SH2B3: variants seen among roughly 807,000 people sequenced by gnomAD.
SH2B3 encodes the protein SH2B adaptor protein 3.
Under a neutral mutation model 51.9 loss-of-function variants are expected in SH2B3, and 43 were observed. That is an observed-to-expected ratio of 0.83 (90% confidence interval 0.65 to 1.07). The LOEUF (loss-of-function observed/expected upper bound fraction) is 1.07, where lower values mean the gene tolerates loss of function less well. SH2B3 is among the 50% of genes least tolerant of loss of function. The pLI is 0.00. For synonymous variants in SH2B3, 396 were observed against 376.0 expected (o/e 1.05, Z -0.62); for missense variants, 952 against 834.3 (o/e 1.14, Z -1.74).
chr12:111,414,451 G>T (rs1870929471), intron 1 of SH2B3, among the ~76,000 whole-genome samples: 1 of 152,066 alleles, frequency 6.6e-6, no homozygotes, highest in South Asian at 2.1e-4. Context: ...AATTAACCAG[G>T]TGTCGTGGTG....
intron 2 of SH2B3, among the ~76,000 whole-genome samples, chr12:111,433,328 G>A (rs1872626675): frequency 6.6e-6 from 1 of 152,014 alleles, no homozygotes; most frequent in Admixed American, 6.6e-5. Flanking sequence ...TCCAGCCTGG[G>A]AAACAGAGAG....
At chr12:111,434,748 C>A in intron 2 of SH2B3, 1 of 1,421,004 alleles carries the variant, frequency 7.0e-7, no homozygotes, top group Admixed American at 2.8e-5. Context: ...TTTAATCCAG[C>A]TGGCTTTTGT....
In SH2B3 at chr12:111,446,925, C is replaced by T. The variant is rs755606884; in HGVS notation, c.835-17C>T. ...CACATACAGCAGACCCAACCCTGTT[C>T]CCTTCCTCCCTGCCAGGTGAAGGAC... On this transcript the variant is annotated splice_polypyrimidine_tract_variant and intron_variant, in intron 3 of 7. Coordinates refer to ENST00000341259, the MANE Select transcript of SH2B3 (RefSeq NM_005475.3). 3 of 1,611,374 alleles carry T rather than the reference C, an allele frequency of 1.9e-6. No individual in the cohort carries two copies. Among genetic ancestry groups the T allele is most frequent in the Middle Eastern group, 1.7e-4 (1 of 6,060 alleles).
In SH2B3 at chr12:111,438,463, A is replaced by G. The variant is rs990669038; in HGVS notation, c.733-8290A>G. On this transcript the variant is annotated intron_variant, in intron 2 of 7. Coordinates refer to ENST00000341259, the MANE Select transcript of SH2B3 (RefSeq NM_005475.3). This position sits in a 1 kb window ranked among gnomAD's most constrained non-coding sequence, Gnocchi z 4.2. Reference sequence around the variant, plus strand: ...AGCCCTGAGAGCACTGGCTTGTAGCATCCCTATCACTCATGGTCTTCACTG... The same window carrying G: ...AGCCCTGAGAGCACTGGCTTGTAGCGTCCCTATCACTCATGGTCTTCACTG... Among the ~76,000 whole-genome samples the G allele has an allele frequency of 6.6e-6, 1 of 152,250 alleles. No homozygotes were observed. Among genetic ancestry groups the G allele is most frequent in the East Asian group, 1.9e-4 (1 of 5,182 alleles).
intron 2 of SH2B3, among the ~76,000 whole-genome samples, chr12:111,439,312 GC>G (rs1389030924): frequency 6.6e-6 from 1 of 152,190 alleles, no homozygotes; most frequent in Non-Finnish European, 1.5e-5. Flanking sequence ...ATCACACCTG[GC>G]TAATTTTGTA....
At position 111,448,167 on chromosome 12, in the gene SH2B3, G is replaced by A. The variant is rs143956445; in HGVS notation, c.1593G>A (p.Ser531=). ...AGCAGATCTTCCACCTGGTGCCTTC[G>A]CCCGAAGAACTGGCCAACAGCCTGC... ...PPEQIFHLVP[S]PEELANSLQH... is the part of the protein sequence containing the mutation. Residue 531 remains serine, a synonymous_variant, in exon 8 of 8, where the codon TCG becomes TCA. Transcript: ENST00000341259. 116 of 1,613,946 alleles carry A rather than the reference G, an allele frequency of 7.2e-5. No homozygotes were observed. Among genetic ancestry groups the A allele is most frequent in the African/African-American group, 2.7e-4 (20 of 74,882 alleles).
At chr12:111,415,180 C>A (rs1350253768) in intron 1 of SH2B3, among the ~76,000 whole-genome samples, 1 of 152,224 alleles carries the variant, frequency 6.6e-6, no homozygotes, top group Non-Finnish European at 1.5e-5. Flanking sequence ...GGGAGGGAGT[C>A]ACTGGAGTGG....
chr12:111,429,830 G>A lies in SH2B3; in HGVS notation c.732+10953G>A, dbSNP rs1872316638. Among the ~76,000 whole-genome samples, 1 of 152,202 alleles carries A rather than the reference G, an allele frequency of 6.6e-6. No homozygotes were observed. Among genetic ancestry groups the A allele is most frequent in the Non-Finnish European group, 1.5e-5 (1 of 68,038 alleles). ...AAGGCAGGAAATGAGAGTCCCTGGT[G>A]GGTCTGCCAAGGCCGGGGGGCACCA... On this transcript the variant is annotated intron_variant, in intron 2 of 7. Coordinates refer to ENST00000341259, the MANE Select transcript of SH2B3 (RefSeq NM_005475.3). This position sits in a 1 kb window ranked among gnomAD's most constrained non-coding sequence, Gnocchi z 4.4.
Position 111,438,767 on chromosome 12 carries a change from A to C in SH2B3, c.733-7986A>C, listed in dbSNP as rs929413622. 2.0e-5 allele frequency among the ~76,000 whole-genome samples: 3 copies of C among 152,156 alleles called. No individual in the cohort carries two copies. The highest frequency in any genetic ancestry group is 4.4e-5 in the Non-Finnish European group (3 of 68,024). On this transcript the variant is annotated intron_variant, in intron 2 of 7. Transcript: ENST00000341259. This position sits in a 1 kb window ranked among gnomAD's most constrained non-coding sequence, Gnocchi z 4.2. ...ACTGTGGTCAGGGAGGGCCTCCCTGAGGAGATGACACTTTGAAAAGCAGTC... is the reference window on the plus strand; with the variant it reads ...ACTGTGGTCAGGGAGGGCCTCCCTGCGGAGATGACACTTTGAAAAGCAGTC...
At chr12:111,423,526 C>A (rs1017242257) in intron 2 of SH2B3, among the ~76,000 whole-genome samples, 2 of 152,170 alleles carry the variant, frequency 1.3e-5, no homozygotes, top group African/African-American at 4.8e-5. Flanking sequence ...CCCGCCACCA[C>A]ACCTGGCTAA....
In SH2B3 at chr12:111,406,057, C is replaced by G. The variant is rs1335464949; in HGVS notation, c.-248C>G. The G allele has an allele frequency of 6.6e-6, 1 of 151,742 alleles. No individual in the cohort carries two copies. Among genetic ancestry groups the G allele is most frequent in the Non-Finnish European group, 1.5e-5 (1 of 67,892 alleles). 9.4% of individuals were successfully genotyped at this position (151,742 alleles called of 1,614,324 possible). A position where few individuals can be genotyped will look rare whatever the true frequency, so the allele number is the denominator to read the frequency against. On this transcript the variant is annotated 5_prime_UTR_variant, in exon 1 of 8. Coordinates refer to ENST00000341259, the MANE Select transcript of SH2B3 (RefSeq NM_005475.3). This position sits in a 1 kb window ranked among gnomAD's most constrained non-coding sequence, Gnocchi z 5.7. ...CGGCGGCGGCCCGGGGGCGCATCCT[C>G]CCGCAACTGTCAAGCGCTGGCGGCG...
chr12:111,418,849 G>A lies in SH2B3; in HGVS notation c.704G>A (p.Arg235His). 2.1e-6 allele frequency: 3 copies of A among 1,416,216 alleles called. No homozygotes were observed. Among genetic ancestry groups the A allele is most frequent in the Non-Finnish European group, 2.7e-6 (3 of 1,099,082 alleles). The allele number at this position is 1,416,216 out of a possible 1,614,324, so 87.7% of individuals were successfully genotyped here. A position where few individuals can be genotyped will look rare whatever the true frequency, so the allele number is the denominator to read the frequency against. The part of the protein sequence containing the change: ...RRAPGPDGPD[R>H]VLELFDPPKS... ...GCCCCGGGCCCCGATGGCCCCGACC[G>A]CGTGCTGGAGCTCTTCGACCCACCC... Residue 235 changes from arginine to histidine, a missense_variant, in exon 2 of 8, where the codon CGC (arginine) becomes CAC (histidine). Transcript: ENST00000341259. This position sits in a 1 kb window ranked among gnomAD's most constrained non-coding sequence, Gnocchi z 6.7.
rs891977565 is a variant in SH2B3, at chr12:111,442,241, TAAG to T, written c.733-4508_733-4506del. On this transcript the variant is annotated intron_variant, in intron 2 of 7. Coordinates refer to ENST00000341259, the MANE Select transcript of SH2B3 (RefSeq NM_005475.3). ...AGACCCCCTCCCTCTCCTCCTCCAG[TAAG>T]AAGGTCAACAGGACCTGCTTACGGG... 4.3e-4 allele frequency among the ~76,000 whole-genome samples: 65 copies of T among 152,258 alleles called. 1 individual carries two copies. The highest frequency in any genetic ancestry group is 3.1e-3 in the Admixed American group (48 of 15,296).
At position 111,418,741 on chromosome 12, in the gene SH2B3, C is replaced by T. The variant is rs1157707616; in HGVS notation, c.596C>T (p.Ala199Val). 2.0e-6 allele frequency: 3 copies of T among 1,483,344 alleles called. No individual in the cohort carries two copies. Among genetic ancestry groups the T allele is most frequent in the African/African-American group, 1.5e-5 (1 of 67,764 alleles). The allele number at this position is 1,483,344 out of a possible 1,614,324, so 91.9% of individuals were successfully genotyped here. The change falls in exon 2 of 8, where the codon GCG becomes GTG. Residue 199 changes from alanine to valine, a missense_variant. By Grantham distance (64) the Ala-to-Val change is moderately conservative (BLOSUM62 0). Coordinates refer to ENST00000341259, the MANE Select transcript of SH2B3 (RefSeq NM_005475.3). This position sits in a 1 kb window ranked among gnomAD's most constrained non-coding sequence, Gnocchi z 6.7. ...REPPPEALKE[A>V]VLRYSLADEA... ...CCGCCACCCGAGGCGCTGAAGGAGGCGGTGCTGCGCTACAGCCTGGCCGAC... is the reference window on the plus strand; with the variant it reads ...CCGCCACCCGAGGCGCTGAAGGAGGTGGTGCTGCGCTACAGCCTGGCCGAC...
chr12:111,416,036 G>A (rs180776555), intron 1 of SH2B3, among the ~76,000 whole-genome samples: 35 of 152,192 alleles, frequency 2.3e-4, no homozygotes, highest in African/African-American at 8.4e-4. Flanking sequence ...CCGCCTCCCG[G>A]GTTCATGCCA....
chr12:111,440,279 T>C (rs1461093454), intron 2 of SH2B3, among the ~76,000 whole-genome samples: 2 of 152,244 alleles, frequency 1.3e-5, no homozygotes, highest in Non-Finnish European at 2.9e-5. Flanking sequence ...TCACACACAC[T>C]GCTCCTTGCA....
chr12:111,450,830 G>C lies in SH2B3; in HGVS notation c.*2528G>C, dbSNP rs956029061. The stretch of plus-strand genomic sequence containing the variant: ...GGGAGCAGAATCAGCTGATGAAGGG[G>C]TGGGCAGCAGTGTGGGGCAGGCACC... On this transcript the variant is annotated 3_prime_UTR_variant, in exon 8 of 8. Coordinates refer to ENST00000341259, the MANE Select transcript of SH2B3 (RefSeq NM_005475.3). 1 of 152,244 alleles carries C rather than the reference G, an allele frequency of 6.6e-6. No individual in the cohort carries two copies. The highest frequency in any genetic ancestry group is 1.5e-5 in the Non-Finnish European group (1 of 68,088). The allele number at this position is 152,244 out of a possible 1,614,324, so 9.4% of individuals were successfully genotyped here.
At position 111,418,040 on chromosome 12, in the gene SH2B3, T is replaced by C. The variant is rs1436273458; in HGVS notation, c.-27-79T>C. ...TGGTCGCGTTGGATTTCTGCTGTGG[T>C]GCCCGGTGTGTAATGGGGCCTACAC... is the stretch of plus-strand genomic sequence containing the variant. On this transcript the variant is annotated intron_variant, in intron 1 of 7. Transcript: ENST00000341259. The surrounding 1 kb of genome is among the most constrained non-coding windows in gnomAD (Gnocchi z 6.7). 1 of 1,078,324 alleles carries C rather than the reference T, an allele frequency of 9.3e-7. No individual in the cohort carries two copies. Among genetic ancestry groups the C allele is most frequent in the Non-Finnish European group, 1.3e-6 (1 of 777,556 alleles). 66.8% of individuals were successfully genotyped at this position (1,078,324 alleles called of 1,614,324 possible).
intron 2 of SH2B3, among the ~76,000 whole-genome samples, chr12:111,419,706 C>T (rs922276650): frequency 6.6e-6 from 1 of 152,132 alleles, no homozygotes; most frequent in Non-Finnish European, 1.5e-5. Context: ...CACATGGTAC[C>T]CAGCTTCACC....
Sources: gnomAD v4.1 joint callset for allele counts (sites outside exome capture counted in the v4.1 genomes callset) on GRCh38, gnomAD v4.1.1 for gene constraint, Gnocchi (gnomAD v3.1) non-coding constraint, MANE v1.5 for transcripts, NCBI Gene and HGNC (gene_info 2026-07-23, HGNC 2026-07-21) for gene names.